Variants in SPATA6L observed in about 807,000 individuals in gnomAD.
SPATA6L encodes the protein spermatogenesis associated 6 like, also known as spermatogenesis associated 6-like protein.
Under a neutral mutation model 49.2 loss-of-function variants are expected in SPATA6L, and 68 were observed. The observed-to-expected ratio is 1.38, with a 90% CI of 1.14 to 1.69. The LOEUF (loss-of-function observed/expected upper bound fraction) is 1.69, where lower values mean the gene tolerates loss of function less well. SPATA6L is among the 40% of genes most tolerant of loss of function. SPATA6L has a pLI of 0.00. For synonymous variants in SPATA6L, 198 were observed against 165.7 expected (o/e 1.19, Z -1.50); for missense variants, 668 against 464.3 (o/e 1.44, Z -4.03).
intron 9 of SPATA6L, among the ~76,000 whole-genome samples, chr9:4,607,189 G>A (rs1351150553): frequency 6.6e-6 from 1 of 152,000 alleles, no homozygotes. Context: ...GAAAGTGACG[G>A]GGAGAATGGA....
rs997962366 is a variant in SPATA6L at position 4,598,987 on chromosome 9, G to T, written c.*1824C>A. Among the ~76,000 whole-genome samples the T allele has an allele frequency of 6.6e-6, 1 of 152,152 alleles. No homozygotes were observed. Among genetic ancestry groups the T allele is most frequent in the Non-Finnish European group, 1.5e-5 (1 of 68,004 alleles). ...ATTTTAAACTTGGGTTTTGGTTTTT[G>T]TTTTTGTATTTTGGAATATTTACAT... On this transcript the variant is annotated 3_prime_UTR_variant, in exon 12 of 12. Coordinates refer to ENST00000682582, the MANE Select transcript of SPATA6L (RefSeq NM_001353486.2).
intron 4 of SPATA6L, among the ~76,000 whole-genome samples, chr9:4,630,309 A>C (rs1246694951): frequency 1.3e-5 from 2 of 152,186 alleles, no homozygotes; most frequent in Non-Finnish European, 2.9e-5. Context: ...AATTTTTAAA[A>C]TACAACTGCT....
chr9:4,644,256 A>T, intron 3 of SPATA6L, among the ~76,000 whole-genome samples: 1 of 146,978 alleles, frequency 6.8e-6, no homozygotes. Context: ...AGTTCCAGCT[A>T]CTGGGAGGCT....
intron 3 of SPATA6L, among the ~76,000 whole-genome samples, chr9:4,638,258 C>A (rs908858732): frequency 3.3e-5 from 5 of 152,156 alleles, no homozygotes; most frequent in Non-Finnish European, 5.9e-5. Flanking sequence ...ATTGCCCAGA[C>A]TGGAGTGCAG....
chr9:4,656,159 CCAGGT>C, intron 2 of SPATA6L, 70 bp from the exon 3 acceptor site: 1 of 1,317,974 alleles, frequency 7.6e-7, no homozygotes. Context: ...ACTGTAAATG[CCAGGT>C]GCAGTAGCTC....
At chr9:4,602,301 T>A (rs1823524814) in intron 11 of SPATA6L, among the ~76,000 whole-genome samples, 2 of 152,166 alleles carry the variant, frequency 1.3e-5, no homozygotes, top group African/African-American at 4.8e-5. Flanking sequence ...ACCACCTAAA[T>A]AATTGCCTAG....
At chr9:4,631,553 A>T (rs1258627192) in intron 4 of SPATA6L, among the ~76,000 whole-genome samples, 2 of 152,182 alleles carry the variant, frequency 1.3e-5, no homozygotes, top group African/African-American at 4.8e-5. Flanking sequence ...TGACCTCACC[A>T]GGAAATAAAA....
At position 4,604,275 on chromosome 9, in the gene SPATA6L, A is replaced by G. The variant is rs546611543; in HGVS notation, c.1090-6T>C. ...ACTTCAGAGGTAGAATCTTCCTACA[A>G]TAAAAACAAATCCAGCAATTATGTT... On this transcript the variant is annotated splice_region_variant and splice_polypyrimidine_tract_variant and intron_variant, in intron 10 of 11. Transcript: ENST00000682582. 5 of 1,570,284 alleles carry G rather than the reference A, an allele frequency of 3.2e-6. No individual in the cohort carries two copies. Among genetic ancestry groups the G allele is most frequent in the Non-Finnish European group, 2.6e-6 (3 of 1,141,706 alleles).
At chr9:4,610,792 C>G (rs1232958259) in intron 9 of SPATA6L, among the ~76,000 whole-genome samples, 1 of 152,082 alleles carries the variant, frequency 6.6e-6, no homozygotes, top group African/African-American at 2.4e-5. Flanking sequence ...CCAAAATTGA[C>G]AAATGGGATC....
downstream of SPATA6L, among the ~76,000 whole-genome samples, chr9:4,597,301 T>A (rs301447): frequency 0.87 from 130,863 of 150,054 alleles, 57,417 homozygotes; most frequent in African/African-American, 0.97. Context: ...TTTATATATA[T>A]AAAAAAAGAA....
chr9:4,656,085 A>G lies in SPATA6L; in HGVS notation c.182T>C (p.Phe61Ser). ...AGCTCCAGGATCTACTGCACTTTCA[A>G]ATACCTGCAGAGAAAAATGGGGAAA... ...IQESMRFEKV[F>S]ESAVDPGAVV... The change falls in exon 3 of 12, where the codon TTT becomes TCT. Residue 61 changes from phenylalanine (F) to serine (S), a missense_variant. By Grantham distance (155) the Phe-to-Ser change is radical. Coordinates refer to ENST00000682582, the MANE Select transcript of SPATA6L (RefSeq NM_001353486.2). 1 of 1,612,582 alleles carries G rather than the reference A, an allele frequency of 6.2e-7. No individual in the cohort carries two copies. Among genetic ancestry groups the G allele is most frequent in the African/African-American group, 1.3e-5 (1 of 74,976 alleles).
In SPATA6L at chr9:4,609,519, A is replaced by G. The variant is rs560685842; in HGVS notation, c.996-4079T>C. 7.5e-3 allele frequency among the ~76,000 whole-genome samples: 1,144 copies of G among 152,242 alleles called. 13 individuals are homozygous for G. Among genetic ancestry groups the G allele is most frequent in the African/African-American group, 0.025 (1,047 of 41,518 alleles). ...CGCAAATCAATAAATGTAATCCAGC[A>G]TATAAACAGAACCAAAGACAAAAAC... On this transcript the variant is annotated intron_variant, in intron 9 of 11. Transcript: ENST00000682582.
intron 13 of SPATA6L, among the ~76,000 whole-genome samples, chr9:4,589,653 G>C (rs895142357): frequency 1.3e-5 from 2 of 152,224 alleles, no homozygotes; most frequent in African/African-American, 4.8e-5. Context: ...TGCTTGGGCT[G>C]TGTGAAGCTG....
chr9:4,642,422 C>T (rs1347999008), intron 3 of SPATA6L, among the ~76,000 whole-genome samples: 3 of 152,158 alleles, frequency 2.0e-5, no homozygotes, highest in Non-Finnish European at 4.4e-5. Flanking sequence ...CTGCTCAGTT[C>T]CGTCTACCTA....
At position 4,661,985 on chromosome 9, in the gene SPATA6L, C is replaced by G. The variant is rs767448736; in HGVS notation, c.91G>C (p.Val31Leu). ...TCCAGGTACTGATTCATGAGGTAGACCCCGAGGTACACATCTTGTTTGCCA... is the reference window on the plus strand; with the variant it reads ...TCCAGGTACTGATTCATGAGGTAGAGCCCGAGGTACACATCTTGTTTGCCA... ...LPGKQDVYLG[V>L]YLMNQYLETN... Residue 31 changes from valine (V) to leucine (L), a missense_variant, in exon 2 of 12, where the codon GTC becomes CTC. Transcript: ENST00000682582. 6.2e-7 allele frequency: 1 copy of G among 1,614,056 alleles called. No individual in the cohort carries two copies.
intron 3 of SPATA6L, among the ~76,000 whole-genome samples, chr9:4,648,665 A>C (rs142203665): frequency 0.048 from 7,036 of 146,168 alleles, 241 homozygotes; most frequent in Middle Eastern, 0.073. Context: ...GCGCCACTGC[A>C]CTCCAGCCTG....
chr9:4,592,406 T>C (rs1225782191), intron 13 of SPATA6L, among the ~76,000 whole-genome samples: 1 of 152,194 alleles, frequency 6.6e-6, no homozygotes, highest in Admixed American at 6.5e-5. Flanking sequence ...AGCAGTGCTC[T>C]TACCACTTAA....
intron 3 of SPATA6L, among the ~76,000 whole-genome samples, chr9:4,647,469 G>A (rs968662024): frequency 6.6e-6 from 1 of 152,130 alleles, no homozygotes; most frequent in Non-Finnish European, 1.5e-5. Flanking sequence ...GCAGATGCCT[G>A]TAATCCCAGC....
At chr9:4,605,540 T>G in intron 9 of SPATA6L, 100 bp from the exon 10 acceptor site, 2 of 762,996 alleles carry the variant, frequency 2.6e-6, no homozygotes, top group Non-Finnish European at 4.3e-6. Flanking sequence ...TTAATTATAA[T>G]AAAAAACAGC....
Sources: gnomAD v4.1 joint callset for allele counts (sites outside exome capture counted in the v4.1 genomes callset) on GRCh38, gnomAD v4.1.1 for gene constraint, MANE v1.5 for transcripts, NCBI Gene and HGNC (gene_info 2026-07-23, HGNC 2026-07-21) for gene names.